The following RNF150 variants were observed in gnomAD, a reference collection of about 807,000 sequenced individuals.
The protein encoded by RNF150 is ring finger protein 150.
Under a neutral mutation model 39.3 loss-of-function variants are expected in RNF150, and 24 were observed. That is an observed-to-expected ratio of 0.61 (90% confidence interval 0.44 to 0.86). The LOEUF (loss-of-function observed/expected upper bound fraction) is 0.86, where lower values mean the gene tolerates loss of function less well. Among genes scored for constraint, RNF150 ranks in the 40% least tolerant of loss-of-function variants. The pLI, the probability that RNF150 is intolerant of heterozygous loss-of-function variation, is 0.00. For missense variants in RNF150, 502 were observed against 587.8 expected (o/e 0.85, Z 1.51); for synonymous variants, 255 against 227.3 (o/e 1.12, Z -1.10).
chr4:140,903,279 C>T (rs1730253977), intron 6 of RNF150, among the ~76,000 whole-genome samples: 1 of 152,194 alleles, frequency 6.6e-6, no homozygotes, highest in South Asian at 2.1e-4. Context: ...AATAGTGACA[C>T]TTTCCTTTGT....
intron 6 of RNF150, among the ~76,000 whole-genome samples, chr4:140,906,949 A>G (rs972762953): frequency 1.3e-5 from 2 of 152,172 alleles, no homozygotes; most frequent in Admixed American, 6.5e-5. Context: ...GAAAAATCAC[A>G]GGAAGGTTTC....
chr4:141,171,970 T>C (rs1250733698), intron 1 of RNF150, among the ~76,000 whole-genome samples: 2 of 152,224 alleles, frequency 1.3e-5, no homozygotes, highest in Non-Finnish European at 2.9e-5. Flanking sequence ...CTTATACTTT[T>C]ATATGCTCTT....
At chr4:141,028,858 C>A (rs982385653) in intron 1 of RNF150, among the ~76,000 whole-genome samples, 1 of 152,118 alleles carries the variant, frequency 6.6e-6, no homozygotes, top group East Asian at 1.9e-4. Flanking sequence ...AGAACCCACA[C>A]ACTAAAAGCC....
intron 1 of RNF150, among the ~76,000 whole-genome samples, chr4:141,046,446 T>A (rs566013772): frequency 9.2e-5 from 14 of 152,302 alleles, no homozygotes; most frequent in African/African-American, 3.4e-4. Flanking sequence ...ACCACGAGTC[T>A]GGGAGGAAGC....
intron 1 of RNF150, among the ~76,000 whole-genome samples, chr4:141,146,886 T>C (rs1215032303): frequency 6.6e-6 from 1 of 152,174 alleles, no homozygotes; most frequent in Non-Finnish European, 1.5e-5. Context: ...AGTTGAGAGA[T>C]AGGACTCAAA....
chr4:141,138,080 C>G (rs1338909382), upstream of RNF150, among the ~76,000 whole-genome samples: 1 of 152,192 alleles, frequency 6.6e-6, no homozygotes, highest in Admixed American at 6.5e-5. Context: ...TTAAGAAACT[C>G]TCAACCTTGA....
chr4:141,045,110 T>C (rs1384489115), intron 1 of RNF150, among the ~76,000 whole-genome samples: 2 of 152,214 alleles, frequency 1.3e-5, no homozygotes, highest in African/African-American at 2.4e-5. Context: ...CAAAGACATT[T>C]AGCTAAAAAG....
At chr4:140,872,758 G>A (rs1190723484) in intron 6 of RNF150, among the ~76,000 whole-genome samples, 1 of 152,190 alleles carries the variant, frequency 6.6e-6, no homozygotes, top group East Asian at 1.9e-4. Context: ...AACTGGAGAA[G>A]AAGCAGGTGT....
At chr4:141,178,263 C>T (rs995723908) in intron 1 of RNF150, among the ~76,000 whole-genome samples, 12 of 151,312 alleles carry the variant, frequency 7.9e-5, no homozygotes, top group African/African-American at 2.4e-4. Flanking sequence ...TGTGTGTGTG[C>T]GTGCGCATGC....
At chr4:140,973,347 G>T (rs900051656) in intron 1 of RNF150, among the ~76,000 whole-genome samples, 5 of 152,062 alleles carry the variant, frequency 3.3e-5, no homozygotes, top group Admixed American at 3.3e-4. Context: ...GTTTATGAGA[G>T]AACTCAGTTA....
chr4:141,044,257 A>G (rs1306813344), intron 1 of RNF150, among the ~76,000 whole-genome samples: 5 of 152,220 alleles, frequency 3.3e-5, no homozygotes, highest in Non-Finnish European at 7.3e-5. Flanking sequence ...TTTTAATTAA[A>G]GCACATCCTT....
chr4:140,983,442 C>A (rs1204588570), intron 1 of RNF150, among the ~76,000 whole-genome samples: 1 of 152,056 alleles, frequency 6.6e-6, no homozygotes, highest in Non-Finnish European at 1.5e-5. Context: ...ATCATTGTTA[C>A]CCACAGAGGT....
chr4:140,997,037 A>G (rs965929121), intron 1 of RNF150: 3 of 152,242 alleles, frequency 2.0e-5, no homozygotes, highest in African/African-American at 7.2e-5. Flanking sequence ...ATTCTGTCCT[A>G]CAAACCACAA....
At chr4:141,161,088 G>A (rs1024209166) in intron 1 of RNF150, among the ~76,000 whole-genome samples, 21 of 152,128 alleles carry the variant, frequency 1.4e-4, no homozygotes, top group African/African-American at 4.8e-4. Context: ...GGAAAATTTG[G>A]GACACCCTAG....
At chr4:141,123,216 C>T (rs1726659970) in intron 1 of RNF150, among the ~76,000 whole-genome samples, 1 of 152,204 alleles carries the variant, frequency 6.6e-6, no homozygotes, top group South Asian at 2.1e-4. Context: ...AGGTACTGAG[C>T]ACTTTCTGCG....
intron 1 of RNF150, among the ~76,000 whole-genome samples, chr4:141,113,280 G>A (rs1001645024): frequency 1.3e-4 from 20 of 150,080 alleles, no homozygotes; most frequent in African/African-American, 3.7e-4. Flanking sequence ...TCTCATGTGC[G>A]AAGACACACA....
rs948978563 is a variant in RNF150, at chr4:140,964,636, C to T, written c.735+2987G>A. 8.2e-4 allele frequency among the ~76,000 whole-genome samples: 125 copies of T among 151,902 alleles called. 1 individual carries two copies. Among genetic ancestry groups the T allele is most frequent in the Non-Finnish European group, 3.7e-4 (25 of 67,930 alleles). On this transcript the variant is annotated intron_variant, in intron 2 of 6. Transcript: ENST00000515673. ...GAATAAAAAGAAGAGTTGAATAAGG[C>T]GAAAACTTATTACATTTGAATGGGA...
chr4:140,987,410 A>T (rs529041892), intron 1 of RNF150, among the ~76,000 whole-genome samples: 1 of 152,268 alleles, frequency 6.6e-6, no homozygotes, highest in South Asian at 2.1e-4. Flanking sequence ...AACTGGTACA[A>T]AAACAGAAAC....
intron 1 of RNF150, among the ~76,000 whole-genome samples, chr4:141,098,161 C>G (rs1738871438): frequency 6.6e-6 from 1 of 152,352 alleles, no homozygotes; most frequent in Non-Finnish European, 1.5e-5. Flanking sequence ...GAATAATGTT[C>G]TAGGTCTTCC....
Sources: allele counts gnomAD v4.1 joint callset (sites outside exome capture counted in the v4.1 genomes callset), GRCh38; gene constraint gnomAD v4.1.1; transcripts MANE v1.5; gene names NCBI Gene and HGNC (gene_info 2026-07-23, HGNC 2026-07-21).